EFCAB13: variants seen among roughly 807,000 people sequenced by gnomAD.
EFCAB13 encodes EF-hand calcium binding domain 13.
In EFCAB13, 91 loss-of-function variants were observed where a neutral mutation model predicts 110.2. The ratio of observed to expected loss-of-function variants is 0.83; its 90% CI spans 0.70 to 0.98. The LOEUF (loss-of-function observed/expected upper bound fraction) is 0.98. EFCAB13 is among the 50% of genes least tolerant of loss of function. The pLI is 0.00. For missense variants in EFCAB13, 968 were observed against 1,119.4 expected, an observed-to-expected ratio of 0.86 and a Z score of 1.93; for synonymous variants, 323 against 369.9, an observed-to-expected ratio of 0.87 and a Z score of 1.45.
intron 11 of EFCAB13, among the ~76,000 whole-genome samples, chr17:47,372,869 A>T (rs1156541935): frequency 6.6e-6 from 1 of 151,970 alleles, no homozygotes; most frequent in Non-Finnish European, 1.5e-5. Flanking sequence ...TTGATATTTA[A>T]CAGTTTGATT....
chr17:47,365,254 T>TTGAA, intron 10 of EFCAB13, among the ~76,000 whole-genome samples: 1 of 152,336 alleles, frequency 6.6e-6, no homozygotes, highest in African/African-American at 2.4e-5. Flanking sequence ...CAAATATTTG[T>TTGAA]TGAATGAATG....
chr17:47,386,267 G>T (rs1014287825), intron 14 of EFCAB13, among the ~76,000 whole-genome samples: 3 of 152,180 alleles, frequency 2.0e-5, no homozygotes, highest in Non-Finnish European at 4.4e-5. Context: ...CCCCAGATAC[G>T]CTGGTCCAGT....
chr17:47,390,930 G>A (rs9905073), intron 14 of EFCAB13, among the ~76,000 whole-genome samples: 96,352 of 151,060 alleles, frequency 0.64, 31,144 homozygotes, highest in African/African-American at 0.73. Flanking sequence ...CTATCTATCT[G>A]TCTATCTATC....
intron 11 of EFCAB13, among the ~76,000 whole-genome samples, chr17:47,370,949 A>C (rs1246244345): frequency 6.6e-6 from 1 of 151,632 alleles, no homozygotes; most frequent in Non-Finnish European, 1.5e-5. Context: ...CATGTTGGTC[A>C]GGCTGGTCTT....
chr17:47,361,637 C>T, intron 10 of EFCAB13, 116 bp downstream of exon 10: 1 of 865,800 alleles, frequency 1.2e-6, no homozygotes. Context: ...TCTCTTGATT[C>T]TTACCTTTTG....
chr17:47,436,168 G>C (rs767934799), intron 24 of EFCAB13, among the ~76,000 whole-genome samples: 1 of 152,032 alleles, frequency 6.6e-6, no homozygotes, highest in Non-Finnish European at 1.5e-5. Context: ...CGTTGGATTC[G>C]GTTAGCTAGT....
At chr17:47,347,733 T>C in intron 8 of EFCAB13, 75 bp from the exon 9 acceptor site, 1 of 1,187,962 alleles carries the variant, frequency 8.4e-7, no homozygotes, top group Non-Finnish European at 1.1e-6. Context: ...GATTATTATT[T>C]TTTTGAGAGT....
At chr17:47,362,072 C>T (rs563965103) in intron 10 of EFCAB13, among the ~76,000 whole-genome samples, 14 of 151,964 alleles carry the variant, frequency 9.2e-5, no homozygotes, top group Non-Finnish European at 1.8e-4. Context: ...TTATTGTGGG[C>T]GGCAAGCCAA....
chr17:47,356,619 G>A (rs2065482121), intron 9 of EFCAB13, among the ~76,000 whole-genome samples: 1 of 152,186 alleles, frequency 6.6e-6, no homozygotes, highest in South Asian at 2.1e-4. Context: ...TGCACCAATG[G>A]AGGTAGCAGG....
In EFCAB13 at chr17:47,403,988, G is replaced by T; in HGVS notation, c.2128G>T (p.Val710Leu). The change falls in exon 19 of 25, where the codon GTA becomes TTA. Residue 710 changes from valine to leucine, a missense_variant. Coordinates refer to ENST00000331493, the MANE Select transcript of EFCAB13 (RefSeq NM_152347.5). ...TGGGATTAAGTCACCTAAAGAAGAG[G>T]TAGAGAAAATTCTTCAATCAGATTT... is the stretch of plus-strand genomic sequence containing the variant. The part of the protein sequence containing the change: ...NVGIKSPKEE[V>L]EKILQSDFVS... The T allele has an allele frequency of 6.2e-7, 1 of 1,600,692 alleles. No homozygotes were observed. Among genetic ancestry groups the T allele is most frequent in the South Asian group, 1.1e-5 (1 of 87,874 alleles).
At chr17:47,403,453 G>C (rs540138561) in intron 18 of EFCAB13, among the ~76,000 whole-genome samples, 1 of 152,326 alleles carries the variant, frequency 6.6e-6, no homozygotes, top group South Asian at 2.1e-4. Flanking sequence ...CCAGACACTA[G>C]GGTACAATTG....
chr17:47,433,963 ATTATT>A (rs1180155096), intron 24 of EFCAB13, among the ~76,000 whole-genome samples: 1 of 151,852 alleles, frequency 6.6e-6, no homozygotes, highest in East Asian at 1.9e-4. Flanking sequence ...AAGTATGTTC[ATTATT>A]TTATTGTGAT....
At chr17:47,421,621 CAATAAAAAA>C (rs1904715394) in intron 23 of EFCAB13, among the ~76,000 whole-genome samples, 1 of 31,644 alleles carries the variant, frequency 3.2e-5, no homozygotes, top group African/African-American at 2.5e-4. Flanking sequence ...CAAGAATGAG[CAATAAAAAA>C]AAGAAAGAAA....
intron 4 of EFCAB13, among the ~76,000 whole-genome samples, chr17:47,331,103 C>A (rs2065317446): frequency 6.6e-6 from 1 of 152,012 alleles, no homozygotes; most frequent in African/African-American, 2.4e-5. Flanking sequence ...TATTTTCCCA[C>A]TTTTTAATGG....
intron 9 of EFCAB13, among the ~76,000 whole-genome samples, chr17:47,353,330 T>A (rs2065463626): frequency 6.6e-6 from 1 of 152,034 alleles, no homozygotes; most frequent in East Asian, 1.9e-4. Context: ...AGTCTTGCTG[T>A]GTCATGCAGG....
At chr17:47,388,362 T>C (rs1422472152) in intron 14 of EFCAB13, among the ~76,000 whole-genome samples, 1 of 152,144 alleles carries the variant, frequency 6.6e-6, no homozygotes, top group Non-Finnish European at 1.5e-5. Flanking sequence ...GAAGTCCTTT[T>C]TTCTTAACAT....
chr17:47,367,928 G>A (rs1242676175), intron 10 of EFCAB13, among the ~76,000 whole-genome samples: 2 of 152,076 alleles, frequency 1.3e-5, no homozygotes, highest in Admixed American at 1.3e-4. Context: ...TGGTGGGCAG[G>A]GGACTAGACT....
At chr17:47,377,161 T>C (rs566026423) in intron 12 of EFCAB13, among the ~76,000 whole-genome samples, 1 of 152,160 alleles carries the variant, frequency 6.6e-6, no homozygotes, top group South Asian at 2.1e-4. Context: ...GACTCATTAA[T>C]TTTACACACA....
At chr17:47,394,684 T>C (rs2143419623) in intron 16 of EFCAB13, among the ~76,000 whole-genome samples, 1 of 152,302 alleles carries the variant, frequency 6.6e-6, no homozygotes, top group South Asian at 2.1e-4. Context: ...TAACATCGTA[T>C]TATTTTGTTC....
Sources: gnomAD v4.1 joint callset for allele counts (sites outside exome capture counted in the v4.1 genomes callset) on GRCh38, gnomAD v4.1.1 for gene constraint, MANE v1.5 for transcripts, NCBI Gene and HGNC (gene_info 2026-07-23, HGNC 2026-07-21) for gene names.